RIPOR2: variants seen among roughly 807,000 people sequenced by gnomAD.
RIPOR2 encodes rho family-interacting cell polarization regulator 2.
Under a neutral mutation model 114.5 loss-of-function variants are expected in RIPOR2, and 39 were observed. The ratio of observed to expected loss-of-function variants is 0.34; its 90% CI spans 0.26 to 0.44. The LOEUF is 0.44. RIPOR2 is among the 20% of genes least tolerant of loss of function. RIPOR2 has a pLI of 1.00. For missense variants in RIPOR2, 1,007 were observed against 1,255.1 expected (o/e 0.80, Z 2.99); for synonymous variants, 445 against 484.4 (o/e 0.92, Z 1.07).
intron 1 of RIPOR2, among the ~76,000 whole-genome samples, chr6:24,893,625 T>C (rs1767575426): frequency 6.6e-6 from 1 of 152,236 alleles, no homozygotes; most frequent in African/African-American, 2.4e-5. Flanking sequence ...ACACTGGTGC[T>C]CAAATTAACT....
chr6:25,012,064 G>A (rs9358819), intron 1 of RIPOR2, among the ~76,000 whole-genome samples: 19,682 of 152,096 alleles, frequency 0.13, 1,901 homozygotes, highest in East Asian at 0.5. Flanking sequence ...TTTTTAAAAT[G>A]GGTAAACAGT....
At chr6:24,988,437 G>T (rs754212761) in intron 1 of RIPOR2, among the ~76,000 whole-genome samples, 2 of 152,176 alleles carry the variant, frequency 1.3e-5, no homozygotes, top group Admixed American at 6.5e-5. Context: ...GCCTCCCAAA[G>T]TGCTGGGATT....
chr6:24,860,958 CAAGG>C lies in RIPOR2; in HGVS notation c.715+11_715+14del. ...GAGATGGCTCCTTATTCTCTCTAAA[CAAGG>C]AAAATAATACCTTTCATCTTGATGG... On this transcript the variant is annotated intron_variant, in intron 8 of 21. Transcript: ENST00000643898. 6.5e-7 allele frequency: 1 copy of C among 1,548,862 alleles called. No individual in the cohort carries two copies. The highest frequency in any genetic ancestry group is 8.9e-7 in the Non-Finnish European group (1 of 1,125,122).
intron 19 of RIPOR2, among the ~76,000 whole-genome samples, chr6:24,820,736 T>C (rs1398397435): frequency 1.3e-5 from 2 of 152,226 alleles, no homozygotes; most frequent in Non-Finnish European, 2.9e-5. Context: ...TTCCATTATA[T>C]GGCTAGACCA....
chr6:24,867,131 T>C (rs949797976), intron 6 of RIPOR2, among the ~76,000 whole-genome samples: 1 of 152,256 alleles, frequency 6.6e-6, no homozygotes, highest in Non-Finnish European at 1.5e-5. Context: ...ACTTCAACAA[T>C]GCACTCAACT....
In RIPOR2 at chr6:24,848,047, G is replaced by C. The variant is rs765214729; in HGVS notation, c.1142C>G (p.Thr381Ser). 6.1e-5 allele frequency: 99 copies of C among 1,613,950 alleles called. 1 individual carries two copies. In the East Asian group the frequency reaches 2.1e-3, roughly 35 times the overall value. Reference sequence around the variant, plus strand: ...TACAAAGAAGGAGTGGTCTTTGAAGGTGGGCGTTTCCGGGGTACCCTGGCT... The same window carrying C: ...TACAAAGAAGGAGTGGTCTTTGAAGCTGGGCGTTTCCGGGGTACCCTGGCT... ...MYSQGTPETPTFKDHSFFSNL... is the reference protein window; with the variant it reads ...MYSQGTPETPSFKDHSFFSNL... The change falls in exon 12 of 22, where the codon ACC becomes AGC. Residue 381 changes from threonine to serine, a missense_variant. Thr to Ser is a moderately conservative substitution (Grantham distance 58). Coordinates refer to ENST00000643898, the MANE Select transcript of RIPOR2 (RefSeq NM_001286445.3).
intron 1 of RIPOR2, among the ~76,000 whole-genome samples, chr6:25,000,950 G>A (rs1162283442): frequency 6.6e-6 from 1 of 152,184 alleles, no homozygotes; most frequent in Non-Finnish European, 1.5e-5. Flanking sequence ...TTAAATGGAG[G>A]AGGGCCAGTC....
rs540344116 is a variant in RIPOR2 at position 25,007,378 on chromosome 6, A to G, written c.76+34473T>C. 1.7e-3 allele frequency among the ~76,000 whole-genome samples: 255 copies of G among 152,206 alleles called. 1 individual carries two copies. Among genetic ancestry groups the G allele is most frequent in the South Asian group, 4.4e-3 (21 of 4,816 alleles). ...AAAGGACCTGCTGATTCATTTTCAC[A>G]TTCTCATCACTGACACTGCCTGCTC... On this transcript the variant is annotated intron_variant, in intron 1 of 13. Transcript: ENST00000510784.
chr6:24,958,958 C>CTTTCTTTTTTTTTT (rs139147901), intron 1 of RIPOR2, among the ~76,000 whole-genome samples: 5 of 123,178 alleles, frequency 4.1e-5, no homozygotes, highest in East Asian at 2.3e-4. Flanking sequence ...TCTACATTTT[C>CTTTCTTTTTTTTTT]TTTTTTTTTT....
chr6:24,991,824 A>C (rs1260668136), intron 1 of RIPOR2, among the ~76,000 whole-genome samples: 1 of 152,212 alleles, frequency 6.6e-6, no homozygotes, highest in Non-Finnish European at 1.5e-5. Flanking sequence ...GGGAAGAGTT[A>C]GGTGAGTTGG....
intron 7 of RIPOR2, among the ~76,000 whole-genome samples, chr6:24,862,190 C>T (rs1431031728): frequency 6.6e-6 from 1 of 152,222 alleles, no homozygotes; most frequent in Admixed American, 6.5e-5. Context: ...CGGCCATGGG[C>T]CATCCCCAGG....
chr6:24,849,329 A>G (rs1462418823), intron 11 of RIPOR2, among the ~76,000 whole-genome samples: 1 of 152,246 alleles, frequency 6.6e-6, no homozygotes. Flanking sequence ...CAGTAAATAC[A>G]GTGCAGAGGA....
At chr6:24,825,877 G>A (rs1465552622) in intron 18 of RIPOR2, among the ~76,000 whole-genome samples, 3 of 151,506 alleles carry the variant, frequency 2.0e-5, no homozygotes, top group Admixed American at 6.6e-5. Flanking sequence ...ACTGGGCCCC[G>A]ATGGAGCAAC....
rs117426232 is a variant in RIPOR2 at position 24,963,559 on chromosome 6, A to G, written c.76+78292T>C. On this transcript the variant is annotated intron_variant, in intron 1 of 13. Transcript: ENST00000510784. ...CACATATATGTACATAAGTACACAT[A>G]TATACATATACACCAATATGTACAT... 4.6e-5 allele frequency among the ~76,000 whole-genome samples: 7 copies of G among 152,370 alleles called. No homozygotes were observed. The East Asian group carries it at 1.2e-3, about 25-fold the overall frequency.
At chr6:24,840,661 G>A in intron 13 of RIPOR2, 1 of 1,533,586 alleles carries the variant, frequency 6.5e-7, no homozygotes, top group South Asian at 1.2e-5. Flanking sequence ...TGGCACAAAA[G>A]CACATGGGAA....
chr6:24,959,171 G>T (rs1773188520), intron 1 of RIPOR2, among the ~76,000 whole-genome samples: 1 of 151,862 alleles, frequency 6.6e-6, no homozygotes, highest in Non-Finnish European at 1.5e-5. Context: ...CTTCTTAGGG[G>T]CCCACCCTAT....
intron 1 of RIPOR2, among the ~76,000 whole-genome samples, chr6:25,022,722 G>T (rs1384258657): frequency 2.7e-5 from 4 of 150,864 alleles, no homozygotes; most frequent in African/African-American, 9.7e-5. Flanking sequence ...TTTTTTGATT[G>T]TTTTGTAGAG....
chr6:24,985,763 C>A (rs556633937), intron 1 of RIPOR2, among the ~76,000 whole-genome samples: 1 of 152,000 alleles, frequency 6.6e-6, no homozygotes, highest in East Asian at 1.9e-4. Context: ...GTACAGGGTA[C>A]TTGCATGTAG....
chr6:24,842,242 C>T (rs1179557143), intron 13 of RIPOR2, among the ~76,000 whole-genome samples: 3 of 152,134 alleles, frequency 2.0e-5, no homozygotes, highest in Non-Finnish European at 2.9e-5. Context: ...CTCCCGCCTG[C>T]GAGGAAATCA....
Sources: allele counts gnomAD v4.1 joint callset (sites outside exome capture counted in the v4.1 genomes callset), GRCh38; gene constraint gnomAD v4.1.1; transcripts MANE v1.5; gene names NCBI Gene and HGNC (gene_info 2026-07-23, HGNC 2026-07-21).